FBXL17: variants seen among roughly 807,000 people sequenced by gnomAD.
The protein encoded by FBXL17 is F-box and leucine rich repeat protein 17, also known as F-box/LRR-repeat protein 17.
Under a neutral mutation model 66.2 loss-of-function variants are expected in FBXL17, and 22 were observed. The ratio of observed to expected loss-of-function variants is 0.33; its 90% confidence interval spans 0.24 to 0.47. The LOEUF (loss-of-function observed/expected upper bound fraction) is 0.47. FBXL17 is among the 20% of genes least tolerant of loss of function. The pLI, the probability that FBXL17 is intolerant of heterozygous loss-of-function variation, is 1.00. For synonymous variants in FBXL17, 474 were observed against 400.5 expected, an observed-to-expected ratio of 1.18 and a Z score of -2.19; for missense variants, 878 against 948.2, an observed-to-expected ratio of 0.93 and a Z score of 0.97.
At chr5:108,323,487 T>C (rs1367056287) in intron 4 of FBXL17, among the ~76,000 whole-genome samples, 1 of 151,988 alleles carries the variant, frequency 6.6e-6, no homozygotes, top group Non-Finnish European at 1.5e-5. Context: ...TTTTAATGAA[T>C]TGGAATACTT....
In FBXL17 at chr5:108,285,864, T is replaced by C. The variant is rs913448887; in HGVS notation, c.1507-61636A>G. Among the ~76,000 whole-genome samples the C allele has an allele frequency of 2.0e-5, 3 of 151,626 alleles. No individual in the cohort carries two copies. In the South Asian group the frequency reaches 6.2e-4, roughly 32 times the overall value. ...AAAAACAAACTTCAGGCCAATATCG[T>C]TGATGAACATAGACACAAAAATCCC... On this transcript the variant is annotated intron_variant, in intron 4 of 8. Coordinates refer to ENST00000542267, the MANE Select transcript of FBXL17 (RefSeq NM_001163315.3).
At chr5:108,271,213 T>G (rs1299997874) in intron 4 of FBXL17, among the ~76,000 whole-genome samples, 1 of 152,082 alleles carries the variant, frequency 6.6e-6, no homozygotes, top group Non-Finnish European at 1.5e-5. Context: ...AAATAAACCA[T>G]GAAAACTGGA....
At chr5:108,169,464 GC>G (rs1471170470) in intron 6 of FBXL17, among the ~76,000 whole-genome samples, 1 of 152,146 alleles carries the variant, frequency 6.6e-6, no homozygotes, top group African/African-American at 2.4e-5. Flanking sequence ...AATGAAGAAA[GC>G]CAGGGCATTG....
chr5:108,358,178 T>G (rs1340022969), intron 3 of FBXL17, among the ~76,000 whole-genome samples: 1 of 152,166 alleles, frequency 6.6e-6, no homozygotes, highest in Non-Finnish European at 1.5e-5. Flanking sequence ...TATTTCTTTT[T>G]CTTGCCAAAT....
chr5:108,380,927 CG>C lies in FBXL17; in HGVS notation c.764del (p.Pro255ArgfsTer103), dbSNP rs1173942229. Reference sequence around the variant, plus strand: ...AAGAGGGCGGAGGGCAGAGCGGCTGCGGGGGCTGCTCCGGGGCCTGGCAGCA... The same window carrying C: ...AAGAGGGCGGAGGGCAGAGCGGCTGCGGGGCTGCTCCGGGGCCTGGCAGCA... ...AGCCQAPEQP[P>X]QPLCPPPSSP... On this transcript the variant is annotated frameshift_variant, in exon 1 of 9. Coordinates refer to ENST00000542267, the MANE Select transcript of FBXL17 (RefSeq NM_001163315.3). LOFTEE classifies it high-confidence loss of function. The C allele has an allele frequency of 2.5e-6, 3 of 1,222,452 alleles. No individual in the cohort carries two copies. Among genetic ancestry groups the C allele is most frequent in the African/African-American group, 1.6e-5 (1 of 64,166 alleles). The allele number at this position is 1,222,452 out of a possible 1,614,324, so 75.7% of individuals were successfully genotyped here.
At chr5:108,353,324 G>C (rs1747764867) in intron 3 of FBXL17, among the ~76,000 whole-genome samples, 1 of 152,136 alleles carries the variant, frequency 6.6e-6, no homozygotes, top group African/African-American at 2.4e-5. Context: ...ACCTCAGCGG[G>C]AACCAGGGCT....
At chr5:108,343,467 A>G (rs575001877) in intron 4 of FBXL17, among the ~76,000 whole-genome samples, 1 of 152,316 alleles carries the variant, frequency 6.6e-6, no homozygotes, top group African/African-American at 2.4e-5. Context: ...TGGTATTACA[A>G]TTAAACTCAC....
At chr5:108,375,421 GAGA>G (rs1749355817) in intron 1 of FBXL17, among the ~76,000 whole-genome samples, 1 of 151,072 alleles carries the variant, frequency 6.6e-6, no homozygotes, top group South Asian at 2.1e-4. Flanking sequence ...AGAATAAAGA[GAGA>G]AGACTCAAAT....
chr5:107,979,716 C>A (rs1464314251), intron 7 of FBXL17, among the ~76,000 whole-genome samples: 1 of 152,172 alleles, frequency 6.6e-6, no homozygotes, highest in South Asian at 2.1e-4. Context: ...TATTACGGGG[C>A]TAACATCTAA....
At chr5:108,136,843 T>C (rs1202118188) in intron 6 of FBXL17, among the ~76,000 whole-genome samples, 2 of 152,076 alleles carry the variant, frequency 1.3e-5, no homozygotes, top group African/African-American at 4.8e-5. Flanking sequence ...TTTCTTAAGA[T>C]AGAAAAAAGG....
At chr5:108,153,292 T>A (rs1358353913) in intron 6 of FBXL17, among the ~76,000 whole-genome samples, 2 of 152,212 alleles carry the variant, frequency 1.3e-5, no homozygotes, top group East Asian at 3.8e-4. Context: ...GAAATATGGA[T>A]CTAAACTAAA....
chr5:108,164,608 T>C (rs1482144782), intron 6 of FBXL17, among the ~76,000 whole-genome samples: 1 of 152,116 alleles, frequency 6.6e-6, no homozygotes, highest in Non-Finnish European at 1.5e-5. Flanking sequence ...ATAATAATAA[T>C]AATTATCATT....
At chr5:107,942,217 G>C (rs1444477350) in intron 7 of FBXL17, among the ~76,000 whole-genome samples, 1 of 152,056 alleles carries the variant, frequency 6.6e-6, no homozygotes, top group African/African-American at 2.4e-5. Flanking sequence ...CCACCACCAT[G>C]GTTCCTCAGC....
chr5:108,371,095 G>A (rs1749010127), intron 1 of FBXL17, among the ~76,000 whole-genome samples: 1 of 152,072 alleles, frequency 6.6e-6, no homozygotes, highest in African/African-American at 2.4e-5. Context: ...CAGGAAAATG[G>A]GCCTCTGCAA....
intron 4 of FBXL17, among the ~76,000 whole-genome samples, chr5:108,226,824 C>A (rs1755122290): frequency 6.6e-6 from 1 of 152,140 alleles, no homozygotes; most frequent in East Asian, 1.9e-4. Flanking sequence ...TCTTCTCCTG[C>A]CTTTGATTCA....
intron 4 of FBXL17, among the ~76,000 whole-genome samples, chr5:108,325,539 A>G (rs1759808842): frequency 6.6e-6 from 1 of 152,202 alleles, no homozygotes; most frequent in Non-Finnish European, 1.5e-5. Context: ...AGTATAAACA[A>G]AGGTAGAAAC....
At chr5:107,936,920 T>C (rs1750928077) in intron 7 of FBXL17, among the ~76,000 whole-genome samples, 1 of 152,046 alleles carries the variant, frequency 6.6e-6, no homozygotes, top group South Asian at 2.1e-4. Flanking sequence ...TTTTTAAGTA[T>C]ATTAAGCAGT....
At chr5:108,157,125 C>T (rs1298468841) in intron 6 of FBXL17, among the ~76,000 whole-genome samples, 2 of 148,982 alleles carry the variant, frequency 1.3e-5, no homozygotes, top group African/African-American at 5.0e-5. Flanking sequence ...TAATATGCAT[C>T]ATCTAGTATT....
intron 6 of FBXL17, among the ~76,000 whole-genome samples, chr5:108,025,723 G>GCA (rs1297241440): frequency 1.7e-5 from 2 of 120,722 alleles, no homozygotes; most frequent in African/African-American, 6.9e-5. Flanking sequence ...ACACACGCGC[G>GCA]CGCGCACACA....
Sources: gnomAD v4.1 joint callset for allele counts (sites outside exome capture counted in the v4.1 genomes callset) on GRCh38, gnomAD v4.1.1 for gene constraint, MANE v1.5 for transcripts, NCBI Gene and HGNC (gene_info 2026-07-23, HGNC 2026-07-21) for gene names.